The following BTBD7 variants were observed in gnomAD, a reference collection of about 807,000 sequenced individuals.
BTBD7 encodes the protein BTB domain containing 7, also known as BTB/POZ domain-containing protein 7.
A neutral mutation model predicts 99.9 loss-of-function variants in BTBD7; 38 were observed. That is an observed-to-expected ratio of 0.38 (90% CI 0.29 to 0.50). The LOEUF is 0.50. Ranked by LOEUF, BTBD7 falls within the 20% of genes least tolerant of loss-of-function variation. The pLI, the probability that BTBD7 is intolerant of heterozygous loss-of-function variation, is 0.93. For missense variants in BTBD7, 1,170 were observed against 1,394.6 expected (o/e 0.84, Z 2.57); for synonymous variants, 520 against 511.4 (o/e 1.02, Z -0.23).
chr14:93,257,547 G>A (rs1302927470), intron 5 of BTBD7, among the ~76,000 whole-genome samples, 192 bp from the exon 6 acceptor site: 1 of 152,098 alleles, frequency 6.6e-6, no homozygotes, highest in Non-Finnish European at 1.5e-5. Context: ...GAAAAAGCAT[G>A]GTATCAACAG....
chr14:93,326,170 T>C (rs553006916), intron 1 of BTBD7, among the ~76,000 whole-genome samples: 1 of 152,272 alleles, frequency 6.6e-6, no homozygotes, highest in African/African-American at 2.4e-5. Flanking sequence ...AAAAGTTTCG[T>C]TGAAATTATG....
intron 1 of BTBD7, among the ~76,000 whole-genome samples, chr14:93,319,770 T>C (rs1191602953): frequency 6.6e-6 from 1 of 152,154 alleles, no homozygotes; most frequent in African/African-American, 2.4e-5. Flanking sequence ...ATTGTATACT[T>C]AAAAATTTGT....
intron 10 of BTBD7, chr14:93,243,964 T>C: frequency 5.4e-6 from 1 of 185,034 alleles, no homozygotes; most frequent in Non-Finnish European, 1.1e-5. Context: ...TAGAGAGGTC[T>C]AAGAAGGCGA....
intron 1 of BTBD7, among the ~76,000 whole-genome samples, chr14:93,311,970 A>G (rs1366910085): frequency 2.0e-5 from 3 of 152,022 alleles, no homozygotes; most frequent in Non-Finnish European, 4.4e-5. Flanking sequence ...ATAAAAAAAA[A>G]AGATACATCC....
chr14:93,308,265 C>T (rs1413005768), intron 1 of BTBD7, among the ~76,000 whole-genome samples: 1 of 137,854 alleles, frequency 7.3e-6, no homozygotes, highest in Admixed American at 7.9e-5. Context: ...CCAGCCTAGG[C>T]GACAGAGCCA....
chr14:93,257,505 A>C (rs1222369788), intron 5 of BTBD7, 150 bp from the exon 6 acceptor site: 1 of 663,156 alleles, frequency 1.5e-6, no homozygotes, highest in Non-Finnish European at 2.3e-6. Context: ...ATTTTCTTTC[A>C]TGTTTGTTTA....
At chr14:93,296,742 G>A (rs971453093) in intron 1 of BTBD7, among the ~76,000 whole-genome samples, 14 of 152,018 alleles carry the variant, frequency 9.2e-5, no homozygotes, top group Non-Finnish European at 1.9e-4. Context: ...TTTGAAAGAA[G>A]TTATTATACA....
At chr14:93,269,138 A>G (rs944422294) in intron 3 of BTBD7, among the ~76,000 whole-genome samples, 1 of 152,178 alleles carries the variant, frequency 6.6e-6, no homozygotes, top group Non-Finnish European at 1.5e-5. Flanking sequence ...AGCACCTTAT[A>G]AATACACCAA....
intron 3 of BTBD7, among the ~76,000 whole-genome samples, chr14:93,277,439 C>T (rs1335166367): frequency 1.3e-5 from 2 of 152,124 alleles, no homozygotes; most frequent in African/African-American, 4.8e-5. Context: ...CTACAGGATG[C>T]CTGAAATCTC....
At position 93,242,974 on chromosome 14, in the gene BTBD7, A is replaced by T. The variant is rs1379067353; in HGVS notation, c.2698T>A (p.Ser900Thr). 3 of 1,614,074 alleles carry T rather than the reference A, an allele frequency of 1.9e-6. No homozygotes were observed. Among genetic ancestry groups the T allele is most frequent in the Non-Finnish European group, 2.5e-6 (3 of 1,180,026 alleles). Residue 900 changes from serine to threonine, a missense_variant, in exon 11 of 11, where the codon TCA becomes ACA. Coordinates refer to ENST00000334746, the MANE Select transcript of BTBD7 (RefSeq NM_001002860.4). ...GGCCCTGGTCCTGCTTCAGAAACTG[A>T]CTGGCTTAATTCTGTGTCTACAGCA... Reference protein sequence around the residue: ...ELAVDTELSQSVSEAGPGPPQ... With the variant: ...ELAVDTELSQTVSEAGPGPPQ...
At chr14:93,262,026 T>C (rs2052494713) in intron 4 of BTBD7, among the ~76,000 whole-genome samples, 3 of 152,130 alleles carry the variant, frequency 2.0e-5, no homozygotes, top group South Asian at 2.1e-4. Context: ...AGTGCAGCAG[T>C]GCCATCATGG....
intron 1 of BTBD7, among the ~76,000 whole-genome samples, chr14:93,316,393 G>C (rs934220595): frequency 4.6e-5 from 7 of 152,076 alleles, no homozygotes; most frequent in South Asian, 2.1e-4. Context: ...TGGGACTACA[G>C]TATGCACCAC....
chr14:93,274,376 G>A (rs2052632572), intron 3 of BTBD7, among the ~76,000 whole-genome samples: 1 of 152,178 alleles, frequency 6.6e-6, no homozygotes, highest in African/African-American at 2.4e-5. Flanking sequence ...TGTCTGCTGT[G>A]AAAATTGTGA....
At chr14:93,274,787 A>C (rs7146851) in intron 3 of BTBD7, among the ~76,000 whole-genome samples, 91,807 of 152,158 alleles carry the variant, frequency 0.6, 29,859 homozygotes, top group African/African-American at 0.87. Flanking sequence ...ACAAAAATCT[A>C]CAGTTTTGAC....
chr14:93,307,437 C>T (rs532631070), intron 1 of BTBD7, among the ~76,000 whole-genome samples: 2 of 152,300 alleles, frequency 1.3e-5, no homozygotes, highest in South Asian at 2.1e-4. Context: ...ATTACAGGCA[C>T]GAGCCAGCAC....
At chr14:93,313,161 A>G (rs1012786827) in intron 1 of BTBD7, among the ~76,000 whole-genome samples, 12 of 152,192 alleles carry the variant, frequency 7.9e-5, no homozygotes, top group African/African-American at 2.7e-4. Flanking sequence ...TTTGCCATCA[A>G]ATTAAGTCCT....
intron 3 of BTBD7, among the ~76,000 whole-genome samples, chr14:93,268,123 G>A (rs1421426295): frequency 2.0e-5 from 3 of 152,038 alleles, no homozygotes; most frequent in East Asian, 1.9e-4. Flanking sequence ...TCCACCAATC[G>A]CTTGCACCTC....
chr14:93,245,429 T>G (rs2052292981), intron 10 of BTBD7, among the ~76,000 whole-genome samples: 1 of 152,222 alleles, frequency 6.6e-6, no homozygotes, highest in Non-Finnish European at 1.5e-5. Context: ...CTCTTGCTTC[T>G]TGTCCGATTA....
intron 4 of BTBD7, 77 bp downstream of exon 4, chr14:93,263,708 G>C: frequency 7.3e-7 from 1 of 1,364,228 alleles, no homozygotes; most frequent in Middle Eastern, 2.0e-4. Context: ...TACCCTAGAT[G>C]GAAGAGTAAT....
Sources: gnomAD v4.1 joint callset for allele counts (sites outside exome capture counted in the v4.1 genomes callset) on GRCh38, gnomAD v4.1.1 for gene constraint, MANE v1.5 for transcripts, NCBI Gene and HGNC (gene_info 2026-07-23, HGNC 2026-07-21) for gene names.